MAN2A1: variants seen among roughly 807,000 people sequenced by gnomAD.
MAN2A1 encodes the protein mannosidase alpha class 2A member 1.
In MAN2A1, 76 loss-of-function variants were observed where a neutral mutation model predicts 142.6. The observed-to-expected ratio is 0.53, with a 90% confidence interval of 0.44 to 0.65. The LOEUF (loss-of-function observed/expected upper bound fraction) is 0.65, where lower values mean the gene tolerates loss of function less well. Ranked by LOEUF, MAN2A1 falls within the 30% of genes least tolerant of loss-of-function variation. The pLI, the probability that MAN2A1 is intolerant of heterozygous loss-of-function variation, is 0.00. For synonymous variants in MAN2A1, 559 were observed against 473.2 expected, an observed-to-expected ratio of 1.18 and a Z score of -2.35; for missense variants, 1,311 against 1,365.1, an observed-to-expected ratio of 0.96 and a Z score of 0.62.
At chr5:109,786,436 A>G (rs1346037269) in intron 10 of MAN2A1, among the ~76,000 whole-genome samples, 1 of 152,098 alleles carries the variant, frequency 6.6e-6, no homozygotes, top group African/African-American at 2.4e-5. Flanking sequence ...CTTTGGCTAC[A>G]GAAGATTTTT....
chr5:109,732,252 C>A lies in MAN2A1; in HGVS notation c.707+2739C>A, dbSNP rs1176602559. 1.1e-4 allele frequency among the ~76,000 whole-genome samples: 16 copies of A among 150,870 alleles called. No homozygotes were observed. In the South Asian group the frequency reaches 3.4e-3, roughly 32 times the overall value. On this transcript the variant is annotated intron_variant, in intron 4 of 21. Coordinates refer to ENST00000261483, the MANE Select transcript of MAN2A1 (RefSeq NM_002372.4). Reference sequence around the variant, plus strand: ...AATTTGTTTGAGTTCATTGTAGATTCTGGATATTAGCCCTTTGTCAGATGA... The same window carrying A: ...AATTTGTTTGAGTTCATTGTAGATTATGGATATTAGCCCTTTGTCAGATGA...
At chr5:109,840,426 C>T in intron 16 of MAN2A1, 1 of 443,722 alleles carries the variant, frequency 2.3e-6, no homozygotes, top group Non-Finnish European at 4.5e-6. Context: ...GCATTTCTAC[C>T]AGGTTTCTGC....
At position 109,754,500 on chromosome 5, in the gene MAN2A1, G is replaced by A. The variant is rs114248847; in HGVS notation, c.708-829G>A. ...TTATCTGTATTCCCAGAGTCATGTGGTATTTACTAGCTTTACCCTTGTTAT... is the reference window on the plus strand; with the variant it reads ...TTATCTGTATTCCCAGAGTCATGTGATATTTACTAGCTTTACCCTTGTTAT... On this transcript the variant is annotated intron_variant, in intron 4 of 21. Transcript: ENST00000261483. Among the ~76,000 whole-genome samples the A allele has an allele frequency of 1.6e-3, 243 of 152,252 alleles. 1 individual carries two copies. Among genetic ancestry groups the A allele is most frequent in the Middle Eastern group, 0.014 (4 of 294 alleles).
chr5:109,836,419 C>G (rs549939446), intron 16 of MAN2A1, among the ~76,000 whole-genome samples: 32 of 152,236 alleles, frequency 2.1e-4, no homozygotes, highest in Middle Eastern at 3.4e-3. Context: ...CCGGCATGCC[C>G]TCCAGTTTTT....
intron 4 of MAN2A1, among the ~76,000 whole-genome samples, chr5:109,731,492 C>A (rs914022576): frequency 7.0e-6 from 1 of 143,080 alleles, no homozygotes; most frequent in Non-Finnish European, 1.5e-5. Flanking sequence ...GGTATATCAC[C>A]TAATGCTATC....
rs1755377677 is a variant in MAN2A1, at chr5:109,847,697, T to C, written c.2883T>C (p.Asp961=). The change falls in exon 19 of 22, where the codon GAT becomes GAC. Residue 961 remains aspartate (D), a synonymous_variant. Coordinates refer to ENST00000261483, the MANE Select transcript of MAN2A1 (RefSeq NM_002372.4). ...TCATGGATCGAAGACTCATGCAAGATGATAATCGTGGCCTTGAGCAAGGTA... is the reference window on the plus strand; with the variant it reads ...TCATGGATCGAAGACTCATGCAAGACGATAATCGTGGCCTTGAGCAAGGTA... ...EVIMDRRLMQ[D]DNRGLEQGIQ... 1 of 1,598,520 alleles carries C rather than the reference T, an allele frequency of 6.3e-7. No homozygotes were observed. The highest frequency in any genetic ancestry group is 1.1e-5 in the South Asian group (1 of 88,336).
intron 4 of MAN2A1, among the ~76,000 whole-genome samples, chr5:109,736,613 C>T (rs1752107070): frequency 6.6e-6 from 1 of 152,116 alleles, no homozygotes; most frequent in African/African-American, 2.4e-5. Flanking sequence ...TATAGTTACT[C>T]AGATTGTTTC....
intron 20 of MAN2A1, among the ~76,000 whole-genome samples, chr5:109,858,657 A>C (rs972397513): frequency 6.6e-6 from 1 of 152,258 alleles, no homozygotes; most frequent in Non-Finnish European, 1.5e-5. Flanking sequence ...TTAAGTAAGC[A>C]TATTCCTAAC....
rs370559431 is a variant in MAN2A1, at chr5:109,788,925, G to T, written c.1761-9G>T. 2.2e-6 allele frequency: 3 copies of T among 1,339,306 alleles called. No individual in the cohort carries two copies. Among genetic ancestry groups the T allele is most frequent in the African/African-American group, 1.5e-5 (1 of 68,690 alleles). The allele number at this position is 1,339,306 out of a possible 1,614,324, so 83.0% of individuals were successfully genotyped here. A position where few individuals can be genotyped will look rare whatever the true frequency, so the allele number is the denominator to read the frequency against. ...TGTTTCTCAGACTAATAAAATTTTT[G>T]ATTTACAGACTTTTTCATTCGTTAA... On this transcript the variant is annotated splice_polypyrimidine_tract_variant and intron_variant, in intron 10 of 21. Coordinates refer to ENST00000261483, the MANE Select transcript of MAN2A1 (RefSeq NM_002372.4).
chr5:109,855,560 G>A (rs1036841814), intron 20 of MAN2A1, among the ~76,000 whole-genome samples: 1 of 152,140 alleles, frequency 6.6e-6, no homozygotes. Flanking sequence ...TGGCGAGCAG[G>A]TCAGGAAATA....
intron 1 of MAN2A1, among the ~76,000 whole-genome samples, chr5:109,702,654 C>G (rs990489017): frequency 6.6e-6 from 1 of 152,100 alleles, no homozygotes; most frequent in African/African-American, 2.4e-5. Flanking sequence ...TTTCTTGCTA[C>G]TTTTAGGTAG....
chr5:109,704,590 G>A (rs1751078231), intron 1 of MAN2A1, among the ~76,000 whole-genome samples: 1 of 152,122 alleles, frequency 6.6e-6, no homozygotes, highest in African/African-American at 2.4e-5. Context: ...CTTAAGGGGT[G>A]GAGTGGGCGC....
chr5:109,732,380 G>A (rs1054162955), intron 4 of MAN2A1, among the ~76,000 whole-genome samples: 3 of 152,140 alleles, frequency 2.0e-5, no homozygotes, highest in African/African-American at 7.2e-5. Flanking sequence ...GATCCCATTT[G>A]TCAATTTTGA....
intron 20 of MAN2A1, among the ~76,000 whole-genome samples, chr5:109,860,826 G>A (rs1326414059): frequency 1.3e-5 from 2 of 152,092 alleles, no homozygotes; most frequent in African/African-American, 4.8e-5. Context: ...CCAAAGCTTG[G>A]TTTCTGAATT....
intron 12 of MAN2A1, among the ~76,000 whole-genome samples, chr5:109,796,746 A>G (rs758602981): frequency 1.3e-5 from 2 of 152,222 alleles, no homozygotes; most frequent in Non-Finnish European, 2.9e-5. Flanking sequence ...CCAATCAGGC[A>G]CAGCCACCTT....
intron 4 of MAN2A1, among the ~76,000 whole-genome samples, chr5:109,736,111 A>G (rs1479381212): frequency 1.3e-5 from 2 of 152,062 alleles, no homozygotes; most frequent in African/African-American, 4.8e-5. Flanking sequence ...TAAAATACCT[A>G]GAGTTTTTAC....
chr5:109,745,281 CATACA>C (rs1247647192), intron 4 of MAN2A1, among the ~76,000 whole-genome samples: 1 of 151,988 alleles, frequency 6.6e-6, no homozygotes, highest in Non-Finnish European at 1.5e-5. Context: ...ACAATATAAA[CATACA>C]ATACAATAAA....
At chr5:109,690,738 G>C (rs533033837) in intron 1 of MAN2A1, among the ~76,000 whole-genome samples, 186 bp downstream of exon 1, 1 of 152,246 alleles carries the variant, frequency 6.6e-6, no homozygotes, top group African/African-American at 2.4e-5. Flanking sequence ...GGCGCGCCAA[G>C]TTAACAAAGT....
intron 12 of MAN2A1, among the ~76,000 whole-genome samples, chr5:109,815,319 C>G (rs1754424952): frequency 6.6e-6 from 1 of 152,148 alleles, no homozygotes; most frequent in Non-Finnish European, 1.5e-5. Context: ...CTCAAGAGGG[C>G]ATCACCCTCC....
Sources: gnomAD v4.1 joint callset for allele counts (sites outside exome capture counted in the v4.1 genomes callset) on GRCh38, gnomAD v4.1.1 for gene constraint, MANE v1.5 for transcripts, NCBI Gene and HGNC (gene_info 2026-07-23, HGNC 2026-07-21) for gene names.